Variants in TMEM232 observed in about 807,000 individuals in gnomAD.
The protein encoded by TMEM232 is transmembrane protein 232.
Under a neutral mutation model 78.8 loss-of-function variants are expected in TMEM232, and 80 were observed. The ratio of observed to expected loss-of-function variants is 1.01; its 90% CI spans 0.85 to 1.22. The LOEUF (loss-of-function observed/expected upper bound fraction) is 1.22. TMEM232 is among the 50% of genes most tolerant of loss of function. TMEM232 has a pLI of 0.00. For synonymous variants in TMEM232, 297 were observed against 254.3 expected (o/e 1.17, Z -1.60); for missense variants, 881 against 742.2 (o/e 1.19, Z -2.17).
At chr5:110,594,411 GT>G (rs574921072) in intron 10 of TMEM232, among the ~76,000 whole-genome samples, 5 of 152,018 alleles carry the variant, frequency 3.3e-5, no homozygotes, top group South Asian at 2.1e-4. Context: ...AGCTGCAGGA[GT>G]TTTTTTTCAT....
At chr5:110,524,409 AAGAAAG>A (rs1770195207) in intron 12 of TMEM232, among the ~76,000 whole-genome samples, 1 of 44,248 alleles carries the variant, frequency 2.3e-5, no homozygotes, top group Non-Finnish European at 5.3e-5. Flanking sequence ...GAAAGAAAGA[AAGAAAG>A]AAAAGAAAAG....
intron 12 of TMEM232, among the ~76,000 whole-genome samples, chr5:110,450,036 G>T (rs1200665699): frequency 1.3e-5 from 2 of 152,076 alleles, no homozygotes; most frequent in Non-Finnish European, 2.9e-5. Flanking sequence ...TATTGTGATA[G>T]TGAGTTCTCA....
intron 10 of TMEM232, among the ~76,000 whole-genome samples, chr5:110,573,730 G>C (rs1389946455): frequency 6.6e-6 from 1 of 152,082 alleles, no homozygotes; most frequent in Non-Finnish European, 1.5e-5. Context: ...ATGAGGAGGT[G>C]ATATTCAAGC....
intron 1 of TMEM232, among the ~76,000 whole-genome samples, chr5:110,717,559 G>A (rs757503888): frequency 1.3e-5 from 2 of 152,074 alleles, no homozygotes; most frequent in Non-Finnish European, 2.9e-5. Flanking sequence ...CCTAAGGTAC[G>A]ATTTAAGTCA....
chr5:110,513,746 G>A (rs915655832), intron 12 of TMEM232: 1 of 164,088 alleles, frequency 6.1e-6, no homozygotes, highest in Non-Finnish European at 1.5e-5. Context: ...TGGTGAAAAT[G>A]TAACTTGGTA....
intron 8 of TMEM232, among the ~76,000 whole-genome samples, chr5:110,610,179 C>G (rs1021604269): frequency 9.3e-6 from 1 of 107,136 alleles, no homozygotes; most frequent in Non-Finnish European, 1.8e-5. Flanking sequence ...CTATTCCTAT[C>G]TAATTACAGA....
intron 12 of TMEM232, among the ~76,000 whole-genome samples, chr5:110,523,131 G>A (rs1432935851): frequency 2.0e-5 from 3 of 152,022 alleles, no homozygotes. Context: ...ATTTAGACTT[G>A]GTAGGTTTTA....
At chr5:110,557,083 T>A (rs1346396531) in intron 11 of TMEM232, among the ~76,000 whole-genome samples, 1 of 152,200 alleles carries the variant, frequency 6.6e-6, no homozygotes, top group Non-Finnish European at 1.5e-5. Context: ...TATTCTCTTT[T>A]ATATATTTTT....
chr5:110,548,149 GGAA>G (rs148803141), intron 11 of TMEM232, among the ~76,000 whole-genome samples: 6,286 of 151,376 alleles, frequency 0.042, 416 homozygotes, highest in African/African-American at 0.14. Context: ...AAGGATTCAA[GGAA>G]GAAGAATAAG....
At chr5:110,580,004 G>C (rs1179645733) in intron 10 of TMEM232, among the ~76,000 whole-genome samples, 3 of 151,596 alleles carry the variant, frequency 2.0e-5, no homozygotes. Context: ...AAAGAAGCCA[G>C]AGTGGCTATA....
At chr5:110,670,701 A>G (rs886687444) in intron 1 of TMEM232, among the ~76,000 whole-genome samples, 2 of 152,088 alleles carry the variant, frequency 1.3e-5, no homozygotes, top group Non-Finnish European at 2.9e-5. Flanking sequence ...ATGTAAAACA[A>G]ATGCTATTCC....
intron 12 of TMEM232, among the ~76,000 whole-genome samples, chr5:110,451,434 C>T (rs1384974446): frequency 6.6e-6 from 1 of 152,074 alleles, no homozygotes; most frequent in African/African-American, 2.4e-5. Flanking sequence ...CATCTCTTTG[C>T]TTAAAAAAGA....
At chr5:110,508,511 G>A (rs1205128183) in intron 12 of TMEM232, among the ~76,000 whole-genome samples, 1 of 151,428 alleles carries the variant, frequency 6.6e-6, no homozygotes, top group East Asian at 1.9e-4. Context: ...CAGTCATGGT[G>A]TCTCCACTTC....
intron 1 of TMEM232, among the ~76,000 whole-genome samples, chr5:110,668,205 G>A (rs1790859602): frequency 6.6e-6 from 1 of 152,094 alleles, no homozygotes; most frequent in Non-Finnish European, 1.5e-5. Flanking sequence ...AAACAAGATG[G>A]TTGTATTCTC....
At chr5:110,704,893 T>A (rs1795774618) in intron 1 of TMEM232, among the ~76,000 whole-genome samples, 1 of 152,096 alleles carries the variant, frequency 6.6e-6, no homozygotes, top group South Asian at 2.1e-4. Flanking sequence ...TCAGCTAGTG[T>A]GCCTTGTCAT....
At chr5:110,674,853 A>G (rs1791820748) in intron 1 of TMEM232, among the ~76,000 whole-genome samples, 1 of 152,244 alleles carries the variant, frequency 6.6e-6, no homozygotes, top group Non-Finnish European at 1.5e-5. Context: ...GCAACTTTAG[A>G]AACGCACAGA....
intron 1 of TMEM232, among the ~76,000 whole-genome samples, chr5:110,679,263 T>G (rs1221890234): frequency 6.6e-6 from 1 of 152,188 alleles, no homozygotes; most frequent in East Asian, 1.9e-4. Context: ...TAATTTGCAT[T>G]TCTCTGATGA....
chr5:110,715,766 T>G (rs1218835992), intron 1 of TMEM232, among the ~76,000 whole-genome samples: 1 of 151,560 alleles, frequency 6.6e-6, no homozygotes, highest in Non-Finnish European at 1.5e-5. Context: ...TTATACCTCC[T>G]CCCTTTTGGA....
intron 3 of TMEM232, among the ~76,000 whole-genome samples, chr5:110,392,837 G>C (rs895892204): frequency 1.3e-5 from 2 of 152,064 alleles, no homozygotes; most frequent in African/African-American, 4.8e-5. Context: ...GAGTCCCTTG[G>C]TCAGCATAAC....
Sources: gnomAD v4.1 joint callset for allele counts (sites outside exome capture counted in the v4.1 genomes callset) on GRCh38, gnomAD v4.1.1 for gene constraint, MANE v1.5 for transcripts, NCBI Gene and HGNC (gene_info 2026-07-23, HGNC 2026-07-21) for gene names.